Variants in ADAM32 observed in about 807,000 individuals in gnomAD.
The protein encoded by ADAM32 is ADAM metallopeptidase domain 32.
ADAM32 carries 89 observed loss-of-function variants against 114.9 expected under a neutral mutation model. The observed-to-expected ratio is 0.77, with a 90% CI of 0.65 to 0.92. The LOEUF (loss-of-function observed/expected upper bound fraction) is 0.92. Among genes scored for constraint, ADAM32 ranks in the 40% least tolerant of loss-of-function variants. The pLI is 0.00. For synonymous variants in ADAM32, 285 were observed against 307.5 expected, an observed-to-expected ratio of 0.93 and a Z score of 0.77; for missense variants, 870 against 932.8, an observed-to-expected ratio of 0.93 and a Z score of 0.88.
At chr8:39,136,171 A>G (rs1428770191) in intron 2 of ADAM32, among the ~76,000 whole-genome samples, 1 of 152,200 alleles carries the variant, frequency 6.6e-6, no homozygotes, top group African/African-American at 2.4e-5. Flanking sequence ...TAACTTGAAA[A>G]TAGTAGAGAT....
At chr8:39,199,550 T>C (rs1440725002) in intron 11 of ADAM32, among the ~76,000 whole-genome samples, 1 of 152,246 alleles carries the variant, frequency 6.6e-6, no homozygotes, top group Non-Finnish European at 1.5e-5. Flanking sequence ...TGTTTGATTC[T>C]TTTTTATGAT....
Position 39,151,361 on chromosome 8 carries a change from A to T in ADAM32, c.354-16A>T. 1.3e-6 allele frequency: 2 copies of T among 1,558,042 alleles called. No individual in the cohort carries two copies. The highest frequency in any genetic ancestry group is 1.7e-6 in the Non-Finnish European group (2 of 1,157,052). ...TTTGATTAAAAGCACTTAAAATTGT[A>T]TTCATAATTTCACAGAGGAATACTG... On this transcript the variant is annotated splice_polypyrimidine_tract_variant and intron_variant, in intron 5 of 24. Coordinates refer to ENST00000379907, the MANE Select transcript of ADAM32 (RefSeq NM_145004.7).
At chr8:39,246,746 G>A (rs1481305413) in intron 17 of ADAM32, among the ~76,000 whole-genome samples, 1 of 152,134 alleles carries the variant, frequency 6.6e-6, no homozygotes, top group Non-Finnish European at 1.5e-5. Context: ...TTCACTGTTA[G>A]TGTCTCACAT....
At chr8:39,136,632 C>A in intron 2 of ADAM32, 25 bp from the exon 3 acceptor site, 1 of 1,450,540 alleles carries the variant, frequency 6.9e-7, no homozygotes, top group Non-Finnish European at 9.3e-7. Flanking sequence ...TTTGTCTTCA[C>A]TCTCAGTTGT....
At chr8:39,264,634 G>A (rs767208414) in intron 19 of ADAM32, among the ~76,000 whole-genome samples, 2 of 152,052 alleles carry the variant, frequency 1.3e-5, no homozygotes, top group Admixed American at 6.6e-5. Context: ...TTCTAGGTGC[G>A]ATGTTAGGTT....
intron 11 of ADAM32, among the ~76,000 whole-genome samples, chr8:39,206,144 G>C (rs115728500): frequency 2.0e-5 from 3 of 152,312 alleles, no homozygotes; most frequent in African/African-American, 7.2e-5. Context: ...TTCTTTGTCT[G>C]TTAGCAGCAT....
At chr8:39,162,708 A>T (rs1451219732) in intron 7 of ADAM32, among the ~76,000 whole-genome samples, 1 of 86,762 alleles carries the variant, frequency 1.2e-5, no homozygotes, top group Non-Finnish European at 2.9e-5. Context: ...ATTCTTTAGT[A>T]AAAAAAAACC....
At chr8:39,181,279 A>G (rs1382361879) in intron 10 of ADAM32, among the ~76,000 whole-genome samples, 1 of 152,200 alleles carries the variant, frequency 6.6e-6, no homozygotes, top group Non-Finnish European at 1.5e-5. Context: ...CAGCGAGCCC[A>G]TGAGCCCACC....
At chr8:39,174,981 C>G (rs1231773177) in intron 10 of ADAM32, among the ~76,000 whole-genome samples, 1 of 152,014 alleles carries the variant, frequency 6.6e-6, no homozygotes, top group Non-Finnish European at 1.5e-5. Context: ...ATTTCACTCT[C>G]TGCTTTTCTG....
At chr8:39,120,400 C>A (rs149720541) in intron 2 of ADAM32, among the ~76,000 whole-genome samples, 4 of 152,180 alleles carry the variant, frequency 2.6e-5, no homozygotes, top group African/African-American at 9.6e-5. Context: ...ATAGAGAAAG[C>A]TTTTATCGTC....
intron 17 of ADAM32, among the ~76,000 whole-genome samples, chr8:39,248,110 G>A (rs966502459): frequency 1.4e-4 from 22 of 152,164 alleles, no homozygotes; most frequent in African/African-American, 5.3e-4. Context: ...GTATGTTGAA[G>A]TTGGGTAGTG....
chr8:39,134,446 C>G (rs1394064809), intron 2 of ADAM32, among the ~76,000 whole-genome samples: 1 of 152,102 alleles, frequency 6.6e-6, no homozygotes, highest in Non-Finnish European at 1.5e-5. Context: ...CCTCCTGGCT[C>G]TCAGCCAATC....
upstream of ADAM32, chr8:39,107,548 C>T: frequency 7.8e-7 from 1 of 1,285,726 alleles, no homozygotes; most frequent in Non-Finnish European, 1.0e-6. Flanking sequence ...AGCAACCACG[C>T]GGCTGGGGTG....
At chr8:39,108,167 C>T (rs1357347679) in intron 1 of ADAM32, 1 of 206,256 alleles carries the variant, frequency 4.8e-6, no homozygotes, top group African/African-American at 2.3e-5. Context: ...CACCTGTGAT[C>T]CCAGCTACCC....
intron 1 of ADAM32, 79 bp downstream of exon 1, chr8:39,107,912 C>T (rs986532656): frequency 6.9e-7 from 1 of 1,440,920 alleles, no homozygotes; most frequent in Non-Finnish European, 9.1e-7. Context: ...CCGGGGCCCT[C>T]CCTGTCTGGG....
upstream of ADAM32, chr8:39,107,615 G>C: frequency 2.7e-6 from 4 of 1,460,974 alleles, no homozygotes; most frequent in Non-Finnish European, 3.6e-6. Context: ...GGCCCTTCGT[G>C]TTCCGGACGC....
At chr8:39,136,519 C>T (rs1468180334) in intron 2 of ADAM32, 138 bp from the exon 3 acceptor site, 1 of 552,894 alleles carries the variant, frequency 1.8e-6, no homozygotes, top group African/African-American at 2.0e-5. Flanking sequence ...TGTTGTTGCA[C>T]ATTTTAAATC....
intron 2 of ADAM32, among the ~76,000 whole-genome samples, chr8:39,120,539 A>T (rs1206967612): frequency 2.0e-5 from 3 of 152,136 alleles, no homozygotes; most frequent in Admixed American, 2.0e-4. Context: ...ACGTGGGCAG[A>T]TTACCTGAGG....
At chr8:39,217,384 C>T (rs1585564366) in intron 12 of ADAM32, among the ~76,000 whole-genome samples, 1 of 152,018 alleles carries the variant, frequency 6.6e-6, no homozygotes, top group East Asian at 1.9e-4. Flanking sequence ...CCTTCTTGTA[C>T]TTGGATATTG....
Sources: allele counts gnomAD v4.1 joint callset (sites outside exome capture counted in the v4.1 genomes callset), GRCh38; gene constraint gnomAD v4.1.1; transcripts MANE v1.5; gene names NCBI Gene and HGNC (gene_info 2026-07-23, HGNC 2026-07-21).